The following SNX24 variants were observed in gnomAD, a reference collection of about 807,000 sequenced individuals.
SNX24 encodes sorting nexin 24.
In SNX24, 22 loss-of-function variants were observed where a neutral mutation model predicts 28.7. The observed-to-expected ratio is 0.77, with a 90% CI of 0.55 to 1.10. SNX24 has a LOEUF of 1.10. SNX24 is among the 50% of genes least tolerant of loss of function. The pLI is 0.00. For missense variants in SNX24, 221 were observed against 201.1 expected, an observed-to-expected ratio of 1.10 and a Z score of -0.60; for synonymous variants, 69 against 71.5, an observed-to-expected ratio of 0.96 and a Z score of 0.18.
chr5:123,001,249 T>C (rs1762233608), intron 4 of SNX24, among the ~76,000 whole-genome samples, 156 bp from the exon 5 acceptor site: 1 of 152,212 alleles, frequency 6.6e-6, no homozygotes. Context: ...GAATGGGGCA[T>C]AGCCATGCTG....
intron 1 of SNX24, among the ~76,000 whole-genome samples, chr5:122,899,658 C>A (rs530474735): frequency 2.3e-4 from 35 of 152,192 alleles, no homozygotes; most frequent in African/African-American, 8.4e-4. Flanking sequence ...GTACGCCTGC[C>A]TCAGCCTCCC....
chr5:122,907,372 G>A (rs1362640441), intron 1 of SNX24, among the ~76,000 whole-genome samples: 1 of 152,288 alleles, frequency 6.6e-6, no homozygotes, highest in African/African-American at 2.4e-5. Context: ...GTGGGAATTT[G>A]TAATATGGGG....
chr5:122,855,150 C>T (rs939129446), intron 1 of SNX24, among the ~76,000 whole-genome samples: 46 of 152,020 alleles, frequency 3.0e-4, no homozygotes, highest in Admixed American at 3.0e-3. Flanking sequence ...TGGCTCACCA[C>T]AACCTCTGCC....
chr5:122,846,444 T>TG (rs1320542868), intron 1 of SNX24, among the ~76,000 whole-genome samples: 1 of 152,184 alleles, frequency 6.6e-6, no homozygotes. Flanking sequence ...AATGTCTGAG[T>TG]GTGTGTACAC....
At chr5:122,970,663 T>C (rs1760921090) in intron 3 of SNX24, among the ~76,000 whole-genome samples, 1 of 152,102 alleles carries the variant, frequency 6.6e-6, no homozygotes, top group Admixed American at 6.5e-5. Context: ...AGAGACAGGG[T>C]TTCACCGTGT....
At chr5:122,964,070 G>A (rs774826208) in intron 3 of SNX24, among the ~76,000 whole-genome samples, 12 of 151,632 alleles carry the variant, frequency 7.9e-5, no homozygotes, top group African/African-American at 2.4e-4. Flanking sequence ...GCGAAACCCC[G>A]TCTCTACTTT....
At chr5:122,864,534 G>A (rs1285012691) in intron 1 of SNX24, among the ~76,000 whole-genome samples, 1 of 152,232 alleles carries the variant, frequency 6.6e-6, no homozygotes, top group African/African-American at 2.4e-5. Flanking sequence ...CAAACATTCA[G>A]TGATGAGTTT....
At chr5:123,024,121 G>T in intron 5 of SNX24, 1 of 1,295,790 alleles carries the variant, frequency 7.7e-7, no homozygotes, top group Non-Finnish European at 1.0e-6. Context: ...TTGGTTGGTT[G>T]GTTGGTTTTT....
intron 1 of SNX24, among the ~76,000 whole-genome samples, chr5:122,872,931 G>A (rs1049449911): frequency 2.0e-5 from 3 of 152,004 alleles, no homozygotes; most frequent in Non-Finnish European, 4.4e-5. Context: ...GATGAGGCCA[G>A]TTTTAATGAA....
chr5:122,950,272 A>C (rs1261549034), intron 3 of SNX24, among the ~76,000 whole-genome samples: 2 of 152,230 alleles, frequency 1.3e-5, no homozygotes, highest in African/African-American at 2.4e-5. Context: ...ACTTGAAGAT[A>C]AAAGCAAGTT....
chr5:123,011,329 A>G (rs1450358539), downstream of SNX24, among the ~76,000 whole-genome samples: 1 of 152,170 alleles, frequency 6.6e-6, no homozygotes, highest in Non-Finnish European at 1.5e-5. Flanking sequence ...AGTGCCTCTC[A>G]GGCCTCATCT....
intron 3 of SNX24, among the ~76,000 whole-genome samples, chr5:122,966,810 A>G (rs760489559): frequency 6.6e-6 from 1 of 152,222 alleles, no homozygotes; most frequent in Non-Finnish European, 1.5e-5. Context: ...TACATGAAGC[A>G]TCATCTAATT....
At chr5:122,884,789 G>A (rs1196975528) in intron 1 of SNX24, among the ~76,000 whole-genome samples, 1 of 152,066 alleles carries the variant, frequency 6.6e-6, no homozygotes, top group Non-Finnish European at 1.5e-5. Context: ...AGTGGAGAGC[G>A]TCTCAGCTTC....
intron 1 of SNX24, among the ~76,000 whole-genome samples, chr5:122,880,637 A>G (rs1463423314): frequency 1.3e-5 from 2 of 152,228 alleles, no homozygotes; most frequent in Admixed American, 6.5e-5. Context: ...TATTTATCAT[A>G]TCAGAAAAGA....
chr5:122,939,843 T>C (rs1241857825), intron 2 of SNX24, among the ~76,000 whole-genome samples: 1 of 152,178 alleles, frequency 6.6e-6, no homozygotes, highest in East Asian at 1.9e-4. Context: ...CAACCCTTCC[T>C]AACCTACCTC....
chr5:122,853,472 T>C (rs746718392), intron 1 of SNX24, among the ~76,000 whole-genome samples: 4 of 152,180 alleles, frequency 2.6e-5, no homozygotes, highest in Non-Finnish European at 4.4e-5. Flanking sequence ...TTGAAAACAT[T>C]CTTCTTGAAC....
intron 6 of SNX24, among the ~76,000 whole-genome samples, chr5:123,006,656 G>A (rs977291765): frequency 6.6e-6 from 1 of 152,164 alleles, no homozygotes. Context: ...GGGGCACCCC[G>A]TGCCCTCCAG....
At chr5:123,028,913 C>G in intron 5 of SNX24, 2 of 1,464,550 alleles carry the variant, frequency 1.4e-6, no homozygotes, top group Non-Finnish European at 1.9e-6. Context: ...AGAGGCCATA[C>G]TGAAAGATAA....
At chr5:122,991,274 A>G (rs772706614) in intron 3 of SNX24, among the ~76,000 whole-genome samples, 17 of 152,058 alleles carry the variant, frequency 1.1e-4, no homozygotes, top group Middle Eastern at 3.2e-3. Context: ...GGCATTATCT[A>G]TTATGTGTAA....
Sources: allele counts gnomAD v4.1 joint callset (sites outside exome capture counted in the v4.1 genomes callset), GRCh38; gene constraint gnomAD v4.1.1; transcripts MANE v1.5; gene names NCBI Gene and HGNC (gene_info 2026-07-23, HGNC 2026-07-21).